Variants in KDM1A observed in about 807,000 individuals in gnomAD.
The protein encoded by KDM1A is lysine demethylase 1A, also known as lysine-specific histone demethylase 1A.
A neutral mutation model predicts 109.4 loss-of-function variants in KDM1A; 49 were observed. The observed-to-expected ratio is 0.45, with a 90% CI of 0.36 to 0.57. The LOEUF (loss-of-function observed/expected upper bound fraction) is 0.57, where lower values mean the gene tolerates loss of function less well. Among genes scored for constraint, KDM1A ranks in the 20% least tolerant of loss-of-function variants. The pLI, the probability that KDM1A is intolerant of heterozygous loss-of-function variation, is 0.00. For missense variants in KDM1A, 668 were observed against 1,116.6 expected (o/e 0.60, Z 5.73); for synonymous variants, 380 against 415.4 (o/e 0.91, Z 1.04).
At position 23,019,537 on chromosome 1, in the gene KDM1A, G is replaced by C; in HGVS notation, c.-60G>C. On this transcript the variant is annotated 5_prime_UTR_variant, in exon 1 of 21. Coordinates refer to ENST00000400181, the MANE Select transcript of KDM1A (RefSeq NM_001009999.3). ...GAAGCGAGGCGAGGCAAGGCTTTTCGGACCCACGGAGCGACAGAGCGAGCG... is the reference window on the plus strand; with the variant it reads ...GAAGCGAGGCGAGGCAAGGCTTTTCCGACCCACGGAGCGACAGAGCGAGCG... 7.5e-7 allele frequency: 1 copy of C among 1,336,480 alleles called. No homozygotes were observed. The highest frequency in any genetic ancestry group is 2.2e-5 in the South Asian group (1 of 46,480). 82.8% of individuals were successfully genotyped at this position (1,336,480 alleles called of 1,614,324 possible).
rs973990383 is a variant in KDM1A at position 23,079,190 on chromosome 1, A to G, written c.2055+13A>G. ...CAACCTTAACAAGGTAGCTTGCCCTAGACACTCCTGTCTACAGATCTGATG... is the reference window on the plus strand; with the variant it reads ...CAACCTTAACAAGGTAGCTTGCCCTGGACACTCCTGTCTACAGATCTGATG... On this transcript the variant is annotated intron_variant, in intron 17 of 20. Transcript: ENST00000400181. The surrounding 1 kb of genome is among the most constrained non-coding windows in gnomAD (Gnocchi z 5.6). The G allele has an allele frequency of 6.2e-7, 1 of 1,612,788 alleles. No individual in the cohort carries two copies. The highest frequency in any genetic ancestry group is 8.5e-7 in the Non-Finnish European group (1 of 1,179,118).
chr1:23,077,883 G>C (rs954624720), intron 16 of KDM1A, among the ~76,000 whole-genome samples: 1 of 152,142 alleles, frequency 6.6e-6, no homozygotes, highest in Non-Finnish European at 1.5e-5. Context: ...CCTAGTTCTG[G>C]AGCAGTCCTG....
chr1:23,081,289 T>C (rs1643613917), intron 18 of KDM1A, 157 bp from the exon 19 acceptor site: 3 of 822,962 alleles, frequency 3.6e-6, no homozygotes, highest in Non-Finnish European at 3.8e-6. Flanking sequence ...TTCTGTATGC[T>C]GTTTCAGAAA....
rs1384122269 is a variant in KDM1A, at chr1:23,079,795, T to A, written c.2170+128T>A. The A allele has an allele frequency of 5.5e-6, 3 of 549,464 alleles. No homozygotes were observed. The highest frequency in any genetic ancestry group is 3.9e-5 in the African/African-American group (2 of 51,410). The allele number at this position is 549,464 out of a possible 1,614,324, so 34.0% of individuals were successfully genotyped here. A position where few individuals can be genotyped will look rare whatever the true frequency, so the allele number is the denominator to read the frequency against. On this transcript the variant is annotated intron_variant, in intron 18 of 20. Coordinates refer to ENST00000400181, the MANE Select transcript of KDM1A (RefSeq NM_001009999.3). This position sits in a 1 kb window ranked among gnomAD's most constrained non-coding sequence, Gnocchi z 5.6. ...TTAACTCAACAAACAATTCCTGAAA[T>A]ACCTTCTAGGTACTGGGGTATAAAA...
At position 23,063,200 on chromosome 1, in the gene KDM1A, G is replaced by GGC. The variant is rs1557569460; in HGVS notation, c.1168-2859_1168-2858insCG. Among the ~76,000 whole-genome samples the GGC allele has an allele frequency of 8.4e-5, 7 of 82,982 alleles. 1 individual carries two copies. Among genetic ancestry groups the GGC allele is most frequent in the African/African-American group, 2.7e-4 (6 of 21,906 alleles). 54.4% of individuals were successfully genotyped at this position (82,982 alleles called of 152,430 possible). A position where few individuals can be genotyped will look rare whatever the true frequency, so the allele number is the denominator to read the frequency against. On this transcript the variant is annotated intron_variant, in intron 9 of 20. Transcript: ENST00000400181. The stretch of plus-strand genomic sequence containing the variant: ...ATTCCCACAGTGCTGTAGCATTGGG[G>GGC]GGGGGGTGTGGTGTGGGGTGGGTGT...
At position 23,050,725 on chromosome 1, in the gene KDM1A, G is replaced by C. The variant is rs145589329; in HGVS notation, c.711+205G>C. ...ATAATTTTTGTTTTCATAAAATTGA[G>C]ATCCTTCTTGGATACATTCTTTTGG... On this transcript the variant is annotated intron_variant, in intron 4 of 20. Coordinates refer to ENST00000400181, the MANE Select transcript of KDM1A (RefSeq NM_001009999.3). Among the ~76,000 whole-genome samples the C allele has an allele frequency of 4.3e-3, 649 of 152,192 alleles. 3 individuals are homozygous for C. Among genetic ancestry groups the C allele is most frequent in the South Asian group, 0.019 (92 of 4,824 alleles).
chr1:23,029,258 T>G (rs914980390), intron 1 of KDM1A, among the ~76,000 whole-genome samples: 3 of 152,244 alleles, frequency 2.0e-5, no homozygotes, highest in African/African-American at 7.2e-5. Context: ...ATGTAAAACA[T>G]TAGATATTTG....
At chr1:23,020,199 G>A (rs923115476) in intron 1 of KDM1A, 1 of 394,246 alleles carries the variant, frequency 2.5e-6, no homozygotes, top group South Asian at 8.1e-5. Context: ...TTGCTGGGAG[G>A]GGTATTTTAT....
chr1:23,058,532 G>C (rs1400351345), intron 8 of KDM1A, among the ~76,000 whole-genome samples: 1 of 152,178 alleles, frequency 6.6e-6, no homozygotes, highest in East Asian at 1.9e-4. Context: ...GTTTTTAATA[G>C]AAACAGGGTC....
At chr1:23,021,381 G>T (rs938776837) in intron 1 of KDM1A, among the ~76,000 whole-genome samples, 1 of 152,200 alleles carries the variant, frequency 6.6e-6, no homozygotes, top group Admixed American at 6.5e-5. Context: ...AGATTTATTG[G>T]CTGGGCACAG....
intron 2 of KDM1A, among the ~76,000 whole-genome samples, chr1:23,035,520 A>G (rs1642118797): frequency 6.6e-6 from 1 of 152,186 alleles, no homozygotes; most frequent in Admixed American, 6.5e-5. Flanking sequence ...AGATAAATTA[A>G]CAAAAATCAT....
At chr1:23,063,668 T>C (rs1229854006) in intron 9 of KDM1A, among the ~76,000 whole-genome samples, 1 of 152,212 alleles carries the variant, frequency 6.6e-6, no homozygotes, top group Non-Finnish European at 1.5e-5. Flanking sequence ...CCCTTAATTA[T>C]AGTTATAATA....
intron 2 of KDM1A, among the ~76,000 whole-genome samples, chr1:23,031,160 A>G (rs1023022739): frequency 3.9e-5 from 6 of 152,198 alleles, no homozygotes; most frequent in African/African-American, 1.4e-4. Flanking sequence ...TAGAAAGATT[A>G]TGGGAGTCTA....
chr1:23,055,009 G>A (rs1642785024), intron 5 of KDM1A, 60 bp from the exon 6 acceptor site: 8 of 1,047,282 alleles, frequency 7.6e-6, no homozygotes, highest in Non-Finnish European at 1.2e-5. Flanking sequence ...GGAAGAGTTA[G>A]AAGAATATTG....
intron 9 of KDM1A, among the ~76,000 whole-genome samples, chr1:23,061,823 A>AT (rs1203659294): frequency 2.5e-4 from 38 of 151,700 alleles, no homozygotes; most frequent in Admixed American, 2.4e-3. Flanking sequence ...CGCCCCACTA[A>AT]TTTTTTTGTA....
chr1:23,048,677 G>T (rs1476586245), intron 3 of KDM1A, among the ~76,000 whole-genome samples: 1 of 152,076 alleles, frequency 6.6e-6, no homozygotes, highest in Non-Finnish European at 1.5e-5. Context: ...TTTCTAGGTA[G>T]TGTTTGCCAT....
At chr1:23,063,070 A>T (rs947138478) in intron 9 of KDM1A, among the ~76,000 whole-genome samples, 6 of 152,022 alleles carry the variant, frequency 3.9e-5, no homozygotes, top group African/African-American at 1.4e-4. Flanking sequence ...AGACAGAGGA[A>T]ATGGCTCTGA....
chr1:23,025,544 G>C (rs1162049916), intron 1 of KDM1A, among the ~76,000 whole-genome samples: 1 of 151,932 alleles, frequency 6.6e-6, no homozygotes, highest in African/African-American at 2.4e-5. Flanking sequence ...TGGTAAGGCT[G>C]GTCTAGAACT....
chr1:23,060,530 A>G (rs148357747), intron 9 of KDM1A, among the ~76,000 whole-genome samples: 4 of 152,330 alleles, frequency 2.6e-5, no homozygotes, highest in African/African-American at 7.2e-5. Flanking sequence ...GGAAGAACCA[A>G]GGTGGCAAGA....
Sources: gnomAD v4.1 joint callset for allele counts (sites outside exome capture counted in the v4.1 genomes callset) on GRCh38, gnomAD v4.1.1 for gene constraint, Gnocchi (gnomAD v3.1) non-coding constraint, MANE v1.5 for transcripts, NCBI Gene and HGNC (gene_info 2026-07-23, HGNC 2026-07-21) for gene names.